Variants in OPCML observed in about 807,000 individuals in gnomAD.
The protein encoded by OPCML is opioid-binding protein/cell adhesion molecule.
A neutral mutation model predicts 37.8 loss-of-function variants in OPCML; 13 were observed. The observed-to-expected ratio is 0.34, with a 90% CI of 0.22 to 0.55. OPCML has a LOEUF of 0.55. Ranked by LOEUF, OPCML falls within the 20% of genes least tolerant of loss-of-function variation. The pLI is 0.91. For missense variants in OPCML, 341 were observed against 435.6 expected, an observed-to-expected ratio of 0.78 and a Z score of 1.93; for synonymous variants, 176 against 168.8, an observed-to-expected ratio of 1.04 and a Z score of -0.33.
intron 1 of OPCML, among the ~76,000 whole-genome samples, chr11:133,476,279 G>C (rs1022742712): frequency 6.6e-6 from 1 of 152,172 alleles, no homozygotes; most frequent in African/African-American, 2.4e-5. Context: ...GCCTGTCAAA[G>C]TTGCTGTAGA....
intron 4 of OPCML, among the ~76,000 whole-genome samples, chr11:132,516,603 C>T (rs2096280340): frequency 6.6e-6 from 1 of 152,082 alleles, no homozygotes; most frequent in Non-Finnish European, 1.5e-5. Flanking sequence ...ACTTTCTGGC[C>T]AGGGTGGAGC....
chr11:132,646,356 G>T (rs1006937247), intron 3 of OPCML, among the ~76,000 whole-genome samples: 1 of 152,146 alleles, frequency 6.6e-6, no homozygotes, highest in South Asian at 2.1e-4. Flanking sequence ...TAGAAAAGAC[G>T]GTTTGGCCCT....
intron 1 of OPCML, among the ~76,000 whole-genome samples, chr11:133,161,302 A>G (rs1220238485): frequency 6.6e-6 from 1 of 152,220 alleles, no homozygotes; most frequent in Non-Finnish European, 1.5e-5. Flanking sequence ...ATCGAGTGGC[A>G]TGAGTGTTAT....
chr11:132,697,465 A>G lies in OPCML; in HGVS notation c.147-40146T>C, dbSNP rs553160712. On this transcript the variant is annotated intron_variant, in intron 2 of 7. Transcript: ENST00000524381. Reference sequence around the variant, plus strand: ...CCTCCTCCAGTCCCTGACAATCACCATTCGACACTCTCTTTCTGTGAATTT... The same window carrying G: ...CCTCCTCCAGTCCCTGACAATCACCGTTCGACACTCTCTTTCTGTGAATTT... 5.9e-5 allele frequency among the ~76,000 whole-genome samples: 9 copies of G among 152,238 alleles called. No individual in the cohort carries two copies. In the South Asian group the frequency reaches 1.9e-3, roughly 32 times the overall value.
chr11:132,641,194 G>A (rs566095097), intron 3 of OPCML, among the ~76,000 whole-genome samples: 20 of 152,248 alleles, frequency 1.3e-4, no homozygotes, highest in Admixed American at 9.8e-4. Flanking sequence ...CCCTCATGAC[G>A]GTAAAGTGGC....
chr11:132,938,861 C>T (rs568716401), intron 2 of OPCML, among the ~76,000 whole-genome samples: 28 of 152,310 alleles, frequency 1.8e-4, no homozygotes, highest in African/African-American at 6.3e-4. Flanking sequence ...TCAATCCTGG[C>T]TCCACATTAG....
intron 4 of OPCML, among the ~76,000 whole-genome samples, chr11:132,508,363 A>G (rs1235607583): frequency 6.6e-6 from 1 of 152,234 alleles, no homozygotes; most frequent in Non-Finnish European, 1.5e-5. Flanking sequence ...TAGTATGAGT[A>G]TGTCATGACC....
At chr11:132,736,254 AG>A (rs1945252174) in intron 2 of OPCML, among the ~76,000 whole-genome samples, 1 of 152,178 alleles carries the variant, frequency 6.6e-6, no homozygotes, top group Admixed American at 6.5e-5. Flanking sequence ...TCTGATTGAG[AG>A]AAGCTACTCA....
chr11:133,465,552 C>T (rs1040977961), intron 1 of OPCML, among the ~76,000 whole-genome samples: 2 of 152,152 alleles, frequency 1.3e-5, no homozygotes, highest in African/African-American at 4.8e-5. Context: ...TATGACAATA[C>T]ACCTCCTGCC....
chr11:133,495,603 A>C (rs998218447), intron 1 of OPCML, among the ~76,000 whole-genome samples: 3 of 152,128 alleles, frequency 2.0e-5, no homozygotes, highest in African/African-American at 7.2e-5. Flanking sequence ...ATTCTTGCAA[A>C]AGTAAGGTGG....
chr11:132,818,934 T>A (rs1411999567), intron 2 of OPCML, among the ~76,000 whole-genome samples: 5 of 140,292 alleles, frequency 3.6e-5, no homozygotes, highest in African/African-American at 1.3e-4. Flanking sequence ...TAATAAAAAA[T>A]AATAATAAAT....
chr11:132,484,903 C>A (rs2096194382), intron 4 of OPCML, among the ~76,000 whole-genome samples: 1 of 152,186 alleles, frequency 6.6e-6, no homozygotes, highest in South Asian at 2.1e-4. Flanking sequence ...GAACATCACA[C>A]TCTGGGGCCT....
intron 1 of OPCML, among the ~76,000 whole-genome samples, chr11:133,226,053 T>A (rs1164192629): frequency 6.6e-6 from 1 of 152,246 alleles, no homozygotes; most frequent in Non-Finnish European, 1.5e-5. Flanking sequence ...AGCAATTAAG[T>A]GACAGAGCTG....
At chr11:133,370,224 T>G (rs748617032) in intron 1 of OPCML, among the ~76,000 whole-genome samples, 1 of 152,104 alleles carries the variant, frequency 6.6e-6, no homozygotes, top group African/African-American at 2.4e-5. Context: ...AAGCACTGCC[T>G]TCAGTATTCA....
chr11:133,418,352 G>T (rs895397914), intron 1 of OPCML: 10 of 985,216 alleles, frequency 1.0e-5, no homozygotes, highest in Non-Finnish European at 1.2e-5. Context: ...ATTCAATAGG[G>T]GTAAAAAAAT....
intron 2 of OPCML, among the ~76,000 whole-genome samples, chr11:132,904,539 C>A (rs887314690): frequency 2.0e-5 from 3 of 152,212 alleles, no homozygotes; most frequent in Non-Finnish European, 4.4e-5. Context: ...TGTTTCCAAA[C>A]AACAACTGCT....
intron 4 of OPCML, among the ~76,000 whole-genome samples, chr11:132,463,405 A>C (rs189739512): frequency 6.6e-6 from 1 of 152,336 alleles, no homozygotes; most frequent in Admixed American, 6.5e-5. Context: ...AGGAAACTCT[A>C]GTGTAGTCCT....
intron 4 of OPCML, among the ~76,000 whole-genome samples, chr11:132,453,647 T>C (rs1340342904): frequency 6.6e-6 from 1 of 152,140 alleles, no homozygotes; most frequent in East Asian, 1.9e-4. Flanking sequence ...AAATGCATGG[T>C]GATTAAGCCC....
At chr11:133,127,420 G>A (rs1361624917) in intron 1 of OPCML, among the ~76,000 whole-genome samples, 1 of 152,016 alleles carries the variant, frequency 6.6e-6, no homozygotes, top group African/African-American at 2.4e-5. Flanking sequence ...CATCGCTTGA[G>A]CCCAGTAGTT....
Sources: gnomAD v4.1 joint callset for allele counts (sites outside exome capture counted in the v4.1 genomes callset) on GRCh38, gnomAD v4.1.1 for gene constraint, MANE v1.5 for transcripts, NCBI Gene and HGNC (gene_info 2026-07-23, HGNC 2026-07-21) for gene names.